PHF24: variants seen among roughly 807,000 people sequenced by gnomAD.
The protein encoded by PHF24 is PHD finger protein 24.
Under a neutral mutation model 42.6 loss-of-function variants are expected in PHF24, and 25 were observed. The observed-to-expected ratio is 0.59, with a 90% CI of 0.43 to 0.82. The LOEUF is 0.82. Ranked by LOEUF, PHF24 falls within the 40% of genes least tolerant of loss-of-function variation. The pLI, the probability that PHF24 is intolerant of heterozygous loss-of-function variation, is 0.00. For synonymous variants in PHF24, 185 were observed against 204.8 expected (o/e 0.90, Z 0.83); for missense variants, 470 against 538.1 (o/e 0.87, Z 1.25).
chr9:34,709,109 T>G, the PHF24 span: 2 of 530,384 alleles, frequency 3.8e-6, no homozygotes, highest in Middle Eastern at 4.9e-4. Flanking sequence ...AGGGTCCTGA[T>G]GATTCTCCTT....
chr9:34,937,901 A>G, the PHF24 span, among the ~76,000 whole-genome samples: 1 of 152,212 alleles, frequency 6.6e-6, no homozygotes, highest in Non-Finnish European at 1.5e-5. Flanking sequence ...TAATATCTCA[A>G]TCAGATATTC....
upstream of PHF24, chr9:34,958,234 G>T (rs1479423529): frequency 3.3e-4 from 48 of 145,590 alleles, no homozygotes; most frequent in Non-Finnish European, 5.1e-4. This position sits in a 1 kb window ranked among gnomAD's most constrained non-coding sequence, Gnocchi z 4.5. Context: ...GCGCGCCGCC[G>T]CCGCCGCCGC....
the PHF24 span, among the ~76,000 whole-genome samples, chr9:34,891,113 TC>T: frequency 6.6e-6 from 1 of 152,168 alleles, no homozygotes; most frequent in East Asian, 1.9e-4. Context: ...CTCAGTGGCT[TC>T]CTGGGACAGG....
At chr9:34,816,425 A>C in the PHF24 span, among the ~76,000 whole-genome samples, 4 of 152,358 alleles carry the variant, frequency 2.6e-5, no homozygotes, top group South Asian at 8.3e-4. Flanking sequence ...GTGTCAGTCC[A>C]TTTAGGCTGC....
intron 1 of PHF24, among the ~76,000 whole-genome samples, chr9:34,970,115 G>T (rs1826922249): frequency 6.6e-6 from 1 of 152,178 alleles, no homozygotes; most frequent in African/African-American, 2.4e-5. Context: ...TGGATTGAGA[G>T]CAAGGCTAAA....
At chr9:34,952,920 T>A (rs941453289), upstream of PHF24, among the ~76,000 whole-genome samples, 1 of 152,232 alleles carries the variant, frequency 6.6e-6, no homozygotes, top group African/African-American at 2.4e-5. Flanking sequence ...GACATCCATA[T>A]ACAAAATCAG....
At chr9:34,857,998 C>T in the PHF24 span, among the ~76,000 whole-genome samples, 60 of 123,924 alleles carry the variant, frequency 4.8e-4, 1 homozygote, top group African/African-American at 1.4e-3. Flanking sequence ...TTGACATTTG[C>T]TGAGCTTCCT....
the PHF24 span, among the ~76,000 whole-genome samples, chr9:34,810,600 G>C: frequency 6.6e-6 from 1 of 152,164 alleles, no homozygotes; most frequent in Non-Finnish European, 1.5e-5. Flanking sequence ...CTGTGCCCTA[G>C]AACTGTGGGA....
the PHF24 span, among the ~76,000 whole-genome samples, chr9:34,738,928 G>A: frequency 6.6e-6 from 1 of 152,192 alleles, no homozygotes; most frequent in Non-Finnish European, 1.5e-5. Flanking sequence ...AGAACAGACA[G>A]TGTTAGGATG....
chr9:34,763,712 T>C, the PHF24 span, among the ~76,000 whole-genome samples: 4 of 152,010 alleles, frequency 2.6e-5, no homozygotes, highest in African/African-American at 9.7e-5. Flanking sequence ...CTAATTGCCC[T>C]GGCCAGAACT....
chr9:34,832,045 G>A, the PHF24 span, among the ~76,000 whole-genome samples: 11 of 152,174 alleles, frequency 7.2e-5, no homozygotes, highest in Non-Finnish European at 1.5e-4. Context: ...AGACAGGAAG[G>A]TCTTTTTAGC....
chr9:34,886,758 G>A, the PHF24 span, among the ~76,000 whole-genome samples: 364 of 145,908 alleles, frequency 2.5e-3, no homozygotes, highest in African/African-American at 9.2e-3. Flanking sequence ...CTATCTATCT[G>A]TCTGTCTGTC....
chr9:34,668,311 G>T, the PHF24 span, among the ~76,000 whole-genome samples: 1 of 152,294 alleles, frequency 6.6e-6, no homozygotes, highest in Admixed American at 6.5e-5. Flanking sequence ...AGAGCAGCCA[G>T]AGGCTCCAGG....
chr9:34,768,863 A>G, the PHF24 span, among the ~76,000 whole-genome samples: 3 of 152,046 alleles, frequency 2.0e-5, no homozygotes, highest in South Asian at 4.2e-4. Flanking sequence ...ACCCAAGGTA[A>G]TCAACTAAAA....
intron 1 of PHF24, among the ~76,000 whole-genome samples, chr9:34,967,044 A>AT (rs201044018): frequency 2.2e-4 from 33 of 147,916 alleles, no homozygotes; most frequent in East Asian, 5.9e-4. Flanking sequence ...GCCTAGCTAA[A>AT]TTTTTTTTTT....
At chr9:34,834,546 C>T in the PHF24 span, 1 of 1,551,314 alleles carries the variant, frequency 6.4e-7, no homozygotes, top group Non-Finnish European at 8.7e-7. Context: ...CGGGCATGCT[C>T]CGGGAAGAAG....
chr9:34,947,601 C>T, the PHF24 span, among the ~76,000 whole-genome samples: 183 of 152,176 alleles, frequency 1.2e-3, no homozygotes, highest in African/African-American at 4.2e-3. Flanking sequence ...CAAGGTCCTT[C>T]AGGACGTATT....
chr9:34,740,219 C>G, the PHF24 span, among the ~76,000 whole-genome samples: 1 of 152,236 alleles, frequency 6.6e-6, no homozygotes, highest in Non-Finnish European at 1.5e-5. Context: ...GTCTGCCAGT[C>G]CCCGGCCGTG....
the PHF24 span, chr9:34,923,049 G>GTTTTT: frequency 2.6e-6 from 1 of 386,386 alleles, no homozygotes; most frequent in Non-Finnish European, 4.5e-6. Flanking sequence ...TTTTGTTTTT[G>GTTTTT]TTTTTTTTTT....
Sources: gnomAD v4.1 joint callset for allele counts (sites outside exome capture counted in the v4.1 genomes callset) on GRCh38, gnomAD v4.1.1 for gene constraint, Gnocchi (gnomAD v3.1) non-coding constraint, MANE v1.5 for transcripts, NCBI Gene and HGNC (gene_info 2026-07-23, HGNC 2026-07-21) for gene names.